Variants in TAF7L observed in about 807,000 individuals in gnomAD.
TAF7L encodes transcription initiation factor TFIID subunit 7-like.
Under a neutral mutation model 30.2 loss-of-function variants are expected in TAF7L, and 6 were observed. The ratio of observed to expected loss-of-function variants is 0.20; its 90% CI spans 0.11 to 0.39. TAF7L has a LOEUF of 0.39. TAF7L is among the 10% of genes least tolerant of loss of function. The pLI is 1.00. For synonymous variants in TAF7L, 93 were observed against 94.5 expected (o/e 0.98, Z 0.09); for missense variants, 284 against 277.1 (o/e 1.03, Z -0.18).
At chrX:101,288,412 G>A (rs751198156) in intron 1 of TAF7L, among the ~76,000 whole-genome samples, 19 of 108,752 alleles carry the variant, frequency 1.7e-4, no homozygotes, top group Non-Finnish European at 3.4e-4. Flanking sequence ...CAAAGTGCTG[G>A]GATTACAGGC....
chrX:101,291,390 TCGCCACGCCTCCGCGGCCG>T (rs1924796205), upstream of TAF7L: 1 of 497,589 alleles, frequency 2.0e-6, no homozygotes, highest in African/African-American at 2.6e-5. Context: ...CCTCCCCGCC[TCGCCACGCCTCCGCGGCCG>T]CGCTGCCCAG....
In TAF7L at chrX:101,283,481, T is replaced by G. The variant is rs1261301714; in HGVS notation, c.248A>C (p.Lys83Thr). The change falls in exon 4 of 13, where the codon AAA becomes ACA. Residue 83 changes from lysine (K) to threonine (T), a missense_variant. Physicochemically the swap from Lys to Thr is moderately conservative, Grantham distance 78. Coordinates refer to ENST00000356784, the MANE Select transcript of TAF7L (RefSeq NM_001168474.2). ...VIESLRTLDK[K>T]TFYKTADISQ... is the part of the protein sequence containing the mutation. ...AATGTCTGCTGTTTTATAAAAGGTT[T>G]TTTTATCAAGCGTTCTCAGGCTTTC... 2.5e-6 allele frequency: 3 copies of G among 1,211,561 alleles called. No individual in the cohort carries two copies. In the Admixed American group the frequency reaches 6.5e-5, roughly 26 times the overall value.
Position 101,278,137 on chromosome X carries a change from G to C in TAF7L, c.505-16C>G. 2.6e-6 allele frequency: 3 copies of C among 1,170,243 alleles called. No homozygotes were observed. The highest frequency in any genetic ancestry group is 3.5e-6 in the Non-Finnish European group (3 of 858,134). ...ATTCAATGTACTGAAGCAAAGTTGGGGATTAGAGGGGGATACCAATACTGT... is the reference window on the plus strand; with the variant it reads ...ATTCAATGTACTGAAGCAAAGTTGGCGATTAGAGGGGGATACCAATACTGT... On this transcript the variant is annotated splice_polypyrimidine_tract_variant and intron_variant, in intron 7 of 12. Coordinates refer to ENST00000356784, the MANE Select transcript of TAF7L (RefSeq NM_001168474.2).
intron 5 of TAF7L, among the ~76,000 whole-genome samples, chrX:101,282,019 G>C (rs1256070180): frequency 1.8e-5 from 2 of 108,761 alleles, no homozygotes; most frequent in African/African-American, 6.7e-5. Flanking sequence ...CCGAGTAGCT[G>C]GGATTACAGG....
At position 101,278,095 on chromosome X, in the gene TAF7L, A is replaced by G. The variant is rs140762002; in HGVS notation, c.531T>C (p.Asn177=). The change falls in exon 8 of 13, where the codon AAT becomes AAC. Residue 177 remains asparagine, a synonymous_variant. Coordinates refer to ENST00000356784, the MANE Select transcript of TAF7L (RefSeq NM_001168474.2). ...CCGAACGCAGCAGTCTCTTTACTTCATTTTCCACGTCTGGAGATTCAATGT... is the reference window on the plus strand; with the variant it reads ...CCGAACGCAGCAGTCTCTTTACTTCGTTTTCCACGTCTGGAGATTCAATGT... ...TEYIESPDVE[N]EVKRLLRSDA... 43 of 1,209,113 alleles carry G rather than the reference A, an allele frequency of 3.6e-5. No homozygotes were observed. The African/African-American group carries it at 6.8e-4, about 19-fold the overall frequency.
intron 4 of TAF7L, 134 bp downstream of exon 4, chrX:101,283,316 G>A: frequency 1.4e-6 from 1 of 695,193 alleles, no homozygotes. Context: ...TTTCATTCCT[G>A]TGCAGTCAAT....
intron 10 of TAF7L, 83 bp from the exon 11 acceptor site, chrX:101,276,195 C>T (rs757611640): frequency 4.9e-5 from 57 of 1,171,735 alleles, no homozygotes; most frequent in Non-Finnish European, 6.2e-5. Flanking sequence ...AACTCTACTA[C>T]ACATCGAAGC....
At chrX:101,286,538 T>C (rs182997985) in intron 3 of TAF7L, 37 bp downstream of exon 3, 27 of 1,014,185 alleles carry the variant, frequency 2.7e-5, no homozygotes, top group Admixed American at 1.8e-4. Flanking sequence ...TAATAAATTA[T>C]TGTTCAATGT....
At position 101,291,195 on chromosome X, in the gene TAF7L, CCGGCCGCCCGGT is replaced by C. The variant is rs1173408083; in HGVS notation, c.-3+17_-3+28del. The C allele has an allele frequency of 5.7e-6, 4 of 705,678 alleles. No individual in the cohort carries two copies. The highest frequency in any genetic ancestry group is 6.7e-6 in the Non-Finnish European group (4 of 595,003). 58.2% of individuals were successfully genotyped at this position (705,678 alleles called of 1,213,427 possible). A position where few individuals can be genotyped will look rare whatever the true frequency, so the allele number is the denominator to read the frequency against. On this transcript the variant is annotated intron_variant, in intron 1 of 12. Coordinates refer to ENST00000356784, the MANE Select transcript of TAF7L (RefSeq NM_001168474.2). ...ACACTGGCGGGGCGCTGACCCGGTC[CCGGCCGCCCGGT>C]CGGCCGCCCGACTCACCCGCTCCTC...
chrX:101,269,330 C>T (rs1355709665), intron 12 of TAF7L, 93 bp from the exon 13 acceptor site: 16 of 805,397 alleles, frequency 2.0e-5, no homozygotes, highest in Non-Finnish European at 2.8e-5. Flanking sequence ...CCAAAAAGAA[C>T]TACTGTTATT....
Position 101,269,146 on chromosome X carries a change from G to A in TAF7L, c.*47C>T, listed in dbSNP as rs376728310. ...CGTGCACAGTTTCATCCAATCTGCA[G>A]TCTGGATGGTGAATCCAAGGTTTGT... On this transcript the variant is annotated 3_prime_UTR_variant, in exon 13 of 13. Transcript: ENST00000356784. 1.2e-5 allele frequency: 14 copies of A among 1,152,150 alleles called. No homozygotes were observed. The highest frequency in any genetic ancestry group is 1.5e-5 in the Non-Finnish European group (13 of 846,187). 95.0% of individuals were successfully genotyped at this position (1,152,150 alleles called of 1,213,427 possible).
intron 12 of TAF7L, 40 bp downstream of exon 12, chrX:101,275,182 A>G (rs757040764): frequency 2.0e-6 from 2 of 993,977 alleles, no homozygotes; most frequent in South Asian, 4.1e-5. Context: ...GATTCTCTGT[A>G]TCAAATGTTT....
chrX:101,292,252 T>TAAA (rs1360464998), upstream of TAF7L, among the ~76,000 whole-genome samples: 761 of 23,742 alleles, frequency 0.032, 8 homozygotes, highest in East Asian at 0.16. Context: ...AAAAAAAAAA[T>TAAA]AAATAAAAAA....
At chrX:101,285,413 G>T (rs775578047) in intron 3 of TAF7L, among the ~76,000 whole-genome samples, 1 of 103,460 alleles carries the variant, frequency 9.7e-6, no homozygotes, top group Non-Finnish European at 1.9e-5. Context: ...CAGGAGAATT[G>T]CTTGAACCCA....
intron 6 of TAF7L, 145 bp downstream of exon 6, chrX:101,281,571 GTGCC>G: frequency 1.8e-6 from 1 of 544,117 alleles, no homozygotes; most frequent in Non-Finnish European, 3.1e-6. Flanking sequence ...CTAGCATACA[GTGCC>G]TGGCATTTAG....
chrX:101,289,954 C>T (rs373896265), intron 1 of TAF7L, among the ~76,000 whole-genome samples: 9 of 110,225 alleles, frequency 8.2e-5, no homozygotes, highest in South Asian at 4.0e-4. Flanking sequence ...GTGGCTCACA[C>T]CTGTAATCTC....
At chrX:101,277,774 G>A in intron 8 of TAF7L, 55 bp from the exon 9 acceptor site, 2 of 861,343 alleles carry the variant, frequency 2.3e-6, no homozygotes, top group Non-Finnish European at 3.4e-6. Flanking sequence ...AGGCACAGCT[G>A]AAAGGGAAGG....
At position 101,277,650 on chromosome X, in the gene TAF7L, A is replaced by G; in HGVS notation, c.647T>C (p.Ile216Thr). 8.3e-7 allele frequency: 1 copy of G among 1,204,890 alleles called. No individual in the cohort carries two copies. The highest frequency in any genetic ancestry group is 1.1e-6 in the Non-Finnish European group (1 of 893,268). Residue 216 changes from isoleucine to threonine, a missense_variant, in exon 9 of 13, where the codon ATA becomes ACA. Coordinates refer to ENST00000356784, the MANE Select transcript of TAF7L (RefSeq NM_001168474.2). Reference sequence around the variant, plus strand: ...CTTGTGGCTGCTCATTCCCGAGGATATCAAAAATCCTGGGATGGAGCCTTG... The same window carrying G: ...CTTGTGGCTGCTCATTCCCGAGGATGTCAAAAATCCTGGGATGGAGCCTTG... ...ESQGSIPGFLISSGMSSHKQG... is the reference protein window; with the variant it reads ...ESQGSIPGFLTSSGMSSHKQG...
chrX:101,286,285 A>T (rs1485462266), intron 3 of TAF7L, among the ~76,000 whole-genome samples: 1 of 111,873 alleles, frequency 8.9e-6, no homozygotes, highest in Admixed American at 9.5e-5. Context: ...GGATGTTCAG[A>T]AATCATAAAG....
Sources: allele counts gnomAD v4.1 joint callset (sites outside exome capture counted in the v4.1 genomes callset), GRCh38; gene constraint gnomAD v4.1.1; transcripts MANE v1.5; gene names NCBI Gene and HGNC (gene_info 2026-07-23, HGNC 2026-07-21).